CATSPERE: variants seen among roughly 807,000 people sequenced by gnomAD.
CATSPERE encodes the protein cation channel sperm-associated auxiliary subunit epsilon.
CATSPERE carries 93 observed loss-of-function variants against 114.1 expected under a neutral mutation model. The observed-to-expected ratio is 0.81, with a 90% CI of 0.69 to 0.97. CATSPERE has a LOEUF of 0.97. CATSPERE is among the 50% of genes least tolerant of loss of function. The pLI is 0.00. For missense variants in CATSPERE, 1,058 were observed against 1,131.6 expected (o/e 0.93, Z 0.93); for synonymous variants, 341 against 384.1 (o/e 0.89, Z 1.31).
chr1:244,635,094 C>G (rs2148756490), intron 20 of CATSPERE, among the ~76,000 whole-genome samples: 1 of 152,358 alleles, frequency 6.6e-6, no homozygotes, highest in South Asian at 2.1e-4. Flanking sequence ...ATCTGCCCAC[C>G]TCGGCCTCCC....
At chr1:244,579,288 T>G (rs1164324867) in intron 11 of CATSPERE, among the ~76,000 whole-genome samples, 2 of 152,224 alleles carry the variant, frequency 1.3e-5, no homozygotes, top group Admixed American at 6.5e-5. Context: ...CACCTTTACA[T>G]TTGTTTATAT....
chr1:244,494,700 G>T (rs540268782), intron 6 of CATSPERE, among the ~76,000 whole-genome samples: 209 of 152,088 alleles, frequency 1.4e-3, no homozygotes, highest in Non-Finnish European at 2.5e-3. Context: ...TATTCAAAAT[G>T]TTGAAAATTG....
At position 244,593,604 on chromosome 1, in the gene CATSPERE, A is replaced by C. The variant is rs539815804; in HGVS notation, c.2303+26A>C. 8.9e-6 allele frequency: 14 copies of C among 1,571,302 alleles called. No individual in the cohort carries two copies. The African/African-American group carries it at 1.9e-4, about 21-fold the overall frequency. On this transcript the variant is annotated intron_variant, in intron 17 of 21. Coordinates refer to ENST00000366534, the MANE Select transcript of CATSPERE (RefSeq NM_001130957.2). ...GTAAGTATATTCTCATCAACATTTTAACTTATATTGAAAGTTTCAAACTCA... is the reference window on the plus strand; with the variant it reads ...GTAAGTATATTCTCATCAACATTTTCACTTATATTGAAAGTTTCAAACTCA...
At chr1:244,516,448 C>T (rs965955758) in intron 7 of CATSPERE, among the ~76,000 whole-genome samples, 2 of 151,834 alleles carry the variant, frequency 1.3e-5, no homozygotes, top group Non-Finnish European at 2.9e-5. Context: ...CCTGGGTTCA[C>T]GTGATCCTCC....
intron 7 of CATSPERE, among the ~76,000 whole-genome samples, chr1:244,500,982 G>A (rs1673950373): frequency 6.6e-6 from 1 of 152,136 alleles, no homozygotes; most frequent in Non-Finnish European, 1.5e-5. Context: ...CATGAGCATG[G>A]AATTTTTTCC....
chr1:244,525,366 C>T (rs922637659), intron 8 of CATSPERE, among the ~76,000 whole-genome samples: 9 of 151,150 alleles, frequency 6.0e-5, no homozygotes, highest in African/African-American at 1.7e-4. Flanking sequence ...GGCGGGATAG[C>T]TCTGGAAGAT....
At chr1:244,608,180 A>G (rs576240033) in intron 18 of CATSPERE, among the ~76,000 whole-genome samples, 2 of 152,288 alleles carry the variant, frequency 1.3e-5, no homozygotes, top group African/African-American at 4.8e-5. Flanking sequence ...GTTGGGGTGT[A>G]TTATTGCAGC....
At chr1:244,513,000 C>A (rs545638453) in intron 7 of CATSPERE, among the ~76,000 whole-genome samples, 49 of 152,292 alleles carry the variant, frequency 3.2e-4, no homozygotes, top group African/African-American at 1.1e-3. Flanking sequence ...GTTCGTGAAC[C>A]CCCTGGCAGC....
At chr1:244,561,394 C>A (rs748702610) in intron 10 of CATSPERE, among the ~76,000 whole-genome samples, 6 of 152,156 alleles carry the variant, frequency 3.9e-5, no homozygotes, top group Non-Finnish European at 5.9e-5. Context: ...TCAGTAGATT[C>A]TAACTAAGCA....
At chr1:244,569,337 A>C (rs138100129) in intron 10 of CATSPERE, among the ~76,000 whole-genome samples, 13 of 152,136 alleles carry the variant, frequency 8.5e-5, no homozygotes, top group Non-Finnish European at 1.6e-4. Flanking sequence ...TTCTGCGTTG[A>C]TCTCGCTGGG....
rs1043915317 is a variant in CATSPERE at position 244,466,511 on chromosome 1, G to A, written c.114+2555G>A. Among the ~76,000 whole-genome samples the A allele has an allele frequency of 9.2e-5, 14 of 152,192 alleles. No homozygotes were observed. In the South Asian group the frequency reaches 2.5e-3, roughly 27 times the overall value. ...TTGGGTAGCATGCTGCCTGGTATTC[G>A]CTTGGAACTGTCAGTGTCTGTGCTG... On this transcript the variant is annotated intron_variant, in intron 2 of 21. Transcript: ENST00000366534.
At chr1:244,498,234 A>G (rs1044558223) in intron 6 of CATSPERE, among the ~76,000 whole-genome samples, 7 of 152,232 alleles carry the variant, frequency 4.6e-5, no homozygotes, top group Non-Finnish European at 8.8e-5. Context: ...TTAGATGATG[A>G]ACAGAAGATT....
intron 7 of CATSPERE, 22 bp from the exon 8 acceptor site, chr1:244,518,570 G>T (rs1314482843): frequency 1.5e-6 from 2 of 1,358,764 alleles, no homozygotes; most frequent in Non-Finnish European, 2.1e-6. Flanking sequence ...AATAAAAAAT[G>T]AAATTTAATT....
At chr1:244,558,960 C>T (rs1662123259) in intron 9 of CATSPERE, among the ~76,000 whole-genome samples, 1 of 152,164 alleles carries the variant, frequency 6.6e-6, no homozygotes, top group East Asian at 1.9e-4. Flanking sequence ...ACTTGTCCAG[C>T]TTGATGCCCC....
chr1:244,532,719 G>T (rs72773409), intron 8 of CATSPERE, among the ~76,000 whole-genome samples: 7,000 of 152,172 alleles, frequency 0.046, 201 homozygotes, highest in Non-Finnish European at 0.064. Flanking sequence ...TGTGGTCAGA[G>T]AAGGTACTTC....
intron 12 of CATSPERE, among the ~76,000 whole-genome samples, chr1:244,583,210 C>T (rs1442797852): frequency 1.3e-5 from 2 of 151,866 alleles, no homozygotes; most frequent in African/African-American, 4.9e-5. Flanking sequence ...TGTTTGTCCT[C>T]ATTTTTTTTT....
chr1:244,525,888 A>AT (rs1269540646), intron 8 of CATSPERE, among the ~76,000 whole-genome samples: 17 of 149,560 alleles, frequency 1.1e-4, no homozygotes, highest in African/African-American at 4.1e-4. Flanking sequence ...AACAAAAAAA[A>AT]TTTTTTTCTG....
At chr1:244,558,835 C>T (rs1356043357) in intron 9 of CATSPERE, among the ~76,000 whole-genome samples, 2 of 152,148 alleles carry the variant, frequency 1.3e-5, no homozygotes, top group Non-Finnish European at 2.9e-5. Context: ...GTCAGGGAAG[C>T]TGCTTTACAC....
At chr1:244,565,756 C>A (rs368076426) in intron 10 of CATSPERE, among the ~76,000 whole-genome samples, 8 of 151,200 alleles carry the variant, frequency 5.3e-5, no homozygotes, top group African/African-American at 1.7e-4. Context: ...TCATAGATTT[C>A]AAGATTCATA....
Sources: gnomAD v4.1 joint callset for allele counts (sites outside exome capture counted in the v4.1 genomes callset) on GRCh38, gnomAD v4.1.1 for gene constraint, MANE v1.5 for transcripts, NCBI Gene and HGNC (gene_info 2026-07-23, HGNC 2026-07-21) for gene names.